SIDT1: variants seen among roughly 807,000 people sequenced by gnomAD.
The protein encoded by SIDT1 is SID1 transmembrane family member 1.
SIDT1 carries 101 observed loss-of-function variants against 107.5 expected under a neutral mutation model. The ratio of observed to expected loss-of-function variants is 0.94; its 90% CI spans 0.80 to 1.11. The LOEUF (loss-of-function observed/expected upper bound fraction) is 1.11. SIDT1 is among the 50% of genes least tolerant of loss of function. SIDT1 has a pLI of 0.00. For missense variants in SIDT1, 1,076 were observed against 1,058.2 expected, an observed-to-expected ratio of 1.02 and a Z score of -0.23; for synonymous variants, 395 against 398.2, an observed-to-expected ratio of 0.99 and a Z score of 0.10.
chr3:113,579,128 C>G (rs925514181), intron 4 of SIDT1, among the ~76,000 whole-genome samples: 39 of 152,284 alleles, frequency 2.6e-4, no homozygotes, highest in African/African-American at 8.9e-4. Flanking sequence ...GTTGCAGAAA[C>G]TGGGGAGGTA....
intron 18 of SIDT1, among the ~76,000 whole-genome samples, 168 bp from the exon 19 acceptor site, chr3:113,611,918 T>G (rs1219729729): frequency 1.3e-5 from 2 of 152,116 alleles, no homozygotes; most frequent in African/African-American, 4.8e-5. Flanking sequence ...GCCTTTTTTT[T>G]TTTTCCTGTC....
At position 113,533,084 on chromosome 3, in the gene SIDT1, G is replaced by T. The variant is rs1334978519; in HGVS notation, c.63G>T (p.Ser21=). The change falls in exon 1 of 25, where the codon TCG becomes TCT. Residue 21 remains serine, a synonymous_variant. Transcript: ENST00000264852. ...TGCCCTGGCTCCTGCTGGCGGCGTC[G>T]CCCGGGCACCCGGCGAAATCCCCCA... ...CALPWLLLAA[S]PGHPAKSPRQ... 3 of 1,506,308 alleles carry T rather than the reference G, an allele frequency of 2.0e-6. No homozygotes were observed. Among genetic ancestry groups the T allele is most frequent in the East Asian group, 2.8e-5 (1 of 35,542 alleles). 93.3% of individuals were successfully genotyped at this position (1,506,308 alleles called of 1,614,324 possible). A position where few individuals can be genotyped will look rare whatever the true frequency, so the allele number is the denominator to read the frequency against.
intron 20 of SIDT1, among the ~76,000 whole-genome samples, chr3:113,618,411 G>A (rs1259522212): frequency 6.6e-6 from 1 of 152,202 alleles, no homozygotes; most frequent in Non-Finnish European, 1.5e-5. Context: ...TTGTGTGGAC[G>A]TAAGTTTTCA....
At chr3:113,607,477 G>A (rs1256533842) in intron 15 of SIDT1, among the ~76,000 whole-genome samples, 1 of 152,224 alleles carries the variant, frequency 6.6e-6, no homozygotes, top group East Asian at 1.9e-4. Flanking sequence ...TTAGATGAAG[G>A]CAGGTGAGGA....
Position 113,581,461 on chromosome 3 carries a change from G to T in SIDT1, c.747+17G>T. On this transcript the variant is annotated intron_variant, in intron 6 of 24. Coordinates refer to ENST00000264852, the MANE Select transcript of SIDT1 (RefSeq NM_017699.3). ...ACGCTACAGGTGAGGCATTGCTTCT[G>T]TGGGCATTATTGCCAATGGTAATGC... 1 of 1,599,978 alleles carries T rather than the reference G, an allele frequency of 6.3e-7. No homozygotes were observed. Among genetic ancestry groups the T allele is most frequent in the Non-Finnish European group, 8.6e-7 (1 of 1,167,148 alleles).
At chr3:113,610,696 TG>T (rs1303141453) in intron 17 of SIDT1, among the ~76,000 whole-genome samples, 1 of 152,116 alleles carries the variant, frequency 6.6e-6, no homozygotes, top group Non-Finnish European at 1.5e-5. Context: ...AAAACGCAAG[TG>T]GGGGTAGTTG....
intron 2 of SIDT1, among the ~76,000 whole-genome samples, chr3:113,567,154 A>G (rs1435579825): frequency 6.6e-6 from 1 of 152,222 alleles, no homozygotes; most frequent in East Asian, 1.9e-4. Flanking sequence ...ACTTGGACTC[A>G]GGGCTTTCTT....
intron 23 of SIDT1, among the ~76,000 whole-genome samples, chr3:113,624,871 A>G (rs1946736710): frequency 1.3e-5 from 2 of 152,126 alleles, no homozygotes; most frequent in Admixed American, 1.3e-4. Context: ...GCAGGATTTT[A>G]TTCTTTTTTA....
chr3:113,533,065 G>A lies in SIDT1; in HGVS notation c.44G>A (p.Trp15Ter). The A allele has an allele frequency of 1.3e-6, 2 of 1,488,638 alleles. No individual in the cohort carries two copies. Among genetic ancestry groups the A allele is most frequent in the Non-Finnish European group, 1.8e-6 (2 of 1,120,006 alleles). 92.2% of individuals were successfully genotyped at this position (1,488,638 alleles called of 1,614,324 possible). ...LRLALLCALP[W>*]LLLAASPGHP... Reference sequence around the variant, plus strand: ...CTCGCGCTGCTCTGCGCGCTGCCCTGGCTCCTGCTGGCGGCGTCGCCCGGG... The same window carrying A: ...CTCGCGCTGCTCTGCGCGCTGCCCTAGCTCCTGCTGGCGGCGTCGCCCGGG... The change falls in exon 1 of 25, where the codon TGG (tryptophan) becomes TAG (stop). Residue 15 changes from tryptophan (W) to a stop codon, truncating the protein, a stop_gained. Coordinates refer to ENST00000264852, the MANE Select transcript of SIDT1 (RefSeq NM_017699.3). LOFTEE classifies it high-confidence loss of function.
At chr3:113,596,322 C>A (rs77711814) in intron 10 of SIDT1, among the ~76,000 whole-genome samples, 372 of 152,316 alleles carry the variant, frequency 2.4e-3, no homozygotes, top group African/African-American at 8.6e-3. Flanking sequence ...AGGAAGGATG[C>A]ACTCAGAAAA....
intron 19 of SIDT1, chr3:113,615,053 A>T (rs1465777733): frequency 6.5e-7 from 1 of 1,535,272 alleles, no homozygotes; most frequent in South Asian, 1.2e-5. Flanking sequence ...TCTGCTTCCT[A>T]CTGATTCAGA....
intron 4 of SIDT1, among the ~76,000 whole-genome samples, chr3:113,578,282 G>A (rs1293440833): frequency 6.6e-6 from 1 of 151,636 alleles, no homozygotes; most frequent in Non-Finnish European, 1.5e-5. Context: ...TGGCTAACAC[G>A]GTGAAACGTC....
chr3:113,619,226 G>C (rs1297968391), intron 20 of SIDT1, among the ~76,000 whole-genome samples: 4 of 152,216 alleles, frequency 2.6e-5, no homozygotes. Context: ...CTTGAAACCA[G>C]AGTAATGGGT....
chr3:113,534,558 T>G (rs1937879014), intron 1 of SIDT1, among the ~76,000 whole-genome samples: 1 of 152,204 alleles, frequency 6.6e-6, no homozygotes, highest in Non-Finnish European at 1.5e-5. Flanking sequence ...CTGCAGTTTT[T>G]GTTTCCCAAA....
intron 9 of SIDT1, chr3:113,588,709 A>G (rs1362127731): frequency 2.0e-5 from 3 of 152,108 alleles, no homozygotes; most frequent in African/African-American, 7.2e-5. Flanking sequence ...TTTGTTCTTC[A>G]CAATCACATT....
intron 10 of SIDT1, among the ~76,000 whole-genome samples, chr3:113,600,246 G>A (rs1460084464): frequency 1.3e-5 from 2 of 151,932 alleles, no homozygotes; most frequent in Admixed American, 6.6e-5. Flanking sequence ...GGAGGTGGAG[G>A]TTGCAGTGAG....
At chr3:113,603,792 A>AAGTAAATTTGATTTACTTAATCAAATTT (rs1945131551) in intron 12 of SIDT1, among the ~76,000 whole-genome samples, 168 bp from the exon 13 acceptor site, 1 of 152,226 alleles carries the variant, frequency 6.6e-6, no homozygotes, top group African/African-American at 2.4e-5. Context: ...AATTTTAATC[A>AAGTAAATTTGATTTACTTAATCAAATTT]AGTAAATTTG....
chr3:113,621,068 G>T (rs1946431980), intron 21 of SIDT1, among the ~76,000 whole-genome samples: 1 of 152,182 alleles, frequency 6.6e-6, no homozygotes, highest in African/African-American at 2.4e-5. Context: ...GACATGGAAT[G>T]ATTTCCCATG....
intron 11 of SIDT1, 122 bp from the exon 12 acceptor site, chr3:113,602,883 A>G (rs2107669220): frequency 4.1e-6 from 4 of 968,138 alleles, no homozygotes; most frequent in Non-Finnish European, 6.0e-6. Context: ...TGTGAATGAG[A>G]AGTTCATTTG....
Sources: allele counts gnomAD v4.1 joint callset (sites outside exome capture counted in the v4.1 genomes callset), GRCh38; gene constraint gnomAD v4.1.1; transcripts MANE v1.5; gene names NCBI Gene and HGNC (gene_info 2026-07-23, HGNC 2026-07-21).